The following ABHD16A variants were observed in gnomAD, a reference collection of about 807,000 sequenced individuals.
ABHD16A encodes the protein phosphatidylserine lipase ABHD16A.
In ABHD16A, 47 loss-of-function variants were observed where a neutral mutation model predicts 89.8. The observed-to-expected ratio is 0.52, with a 90% CI of 0.41 to 0.67. The LOEUF (loss-of-function observed/expected upper bound fraction) is 0.67, where lower values mean the gene tolerates loss of function less well. Among genes scored for constraint, ABHD16A ranks in the 30% least tolerant of loss-of-function variants. The pLI, the probability that ABHD16A is intolerant of heterozygous loss-of-function variation, is 0.00. For synonymous variants in ABHD16A, 251 were observed against 280.4 expected, an observed-to-expected ratio of 0.90 and a Z score of 1.05; for missense variants, 580 against 734.6, an observed-to-expected ratio of 0.79 and a Z score of 2.43.
chr6:31,703,316 G>A lies in ABHD16A; in HGVS notation c.-35C>T, dbSNP rs767167218. The A allele has an allele frequency of 3.0e-6, 4 of 1,338,278 alleles. No individual in the cohort carries two copies. The highest frequency in any genetic ancestry group is 3.9e-6 in the Non-Finnish European group (4 of 1,033,438). 82.9% of individuals were successfully genotyped at this position (1,338,278 alleles called of 1,614,324 possible). A position where few individuals can be genotyped will look rare whatever the true frequency, so the allele number is the denominator to read the frequency against. ...TCGGGCCGCTGCTCTTCCAGCAGCA[G>A]GTCCCCCTGCCGGCCCCGCCCTCCC... is the stretch of plus-strand genomic sequence containing the variant. On this transcript the variant is annotated 5_prime_UTR_variant, in exon 1 of 20. Coordinates refer to ENST00000395952, the MANE Select transcript of ABHD16A (RefSeq NM_021160.3).
At position 31,693,898 on chromosome 6, in the gene ABHD16A, C is replaced by A. The variant is rs1342464988; in HGVS notation, c.430-466G>T. Reference sequence around the variant, plus strand: ...GAGACAGAGAGGAGGGAAGTCACGCCCACAGTGGGCTCCTCTGCCATGTGG... The same window carrying A: ...GAGACAGAGAGGAGGGAAGTCACGCACACAGTGGGCTCCTCTGCCATGTGG... On this transcript the variant is annotated intron_variant, in intron 5 of 19. Transcript: ENST00000395952. The surrounding 1 kb of genome is among the most constrained non-coding windows in gnomAD (Gnocchi z 5.0). 6.6e-6 allele frequency among the ~76,000 whole-genome samples: 1 copy of A among 152,184 alleles called. No individual in the cohort carries two copies. Among genetic ancestry groups the A allele is most frequent in the Non-Finnish European group, 1.5e-5 (1 of 68,034 alleles).
rs1804559360 is a variant in ABHD16A, at chr6:31,698,024, C to T, written c.344-991G>A. On this transcript the variant is annotated intron_variant, in intron 4 of 19. Coordinates refer to ENST00000395952, the MANE Select transcript of ABHD16A (RefSeq NM_021160.3). The surrounding 1 kb of genome is among the most constrained non-coding windows in gnomAD (Gnocchi z 4.1). ...TGTCATCAATGGTATTCCCCCAAAA[C>T]GATATGATGAGAGAATGATGTGTGC... 6.6e-6 allele frequency among the ~76,000 whole-genome samples: 1 copy of T among 152,100 alleles called. No individual in the cohort carries two copies. Among genetic ancestry groups the T allele is most frequent in the Non-Finnish European group, 1.5e-5 (1 of 68,038 alleles).
intron 1 of ABHD16A, chr6:31,702,934 T>A: frequency 7.8e-7 from 1 of 1,287,248 alleles, no homozygotes; most frequent in East Asian, 3.1e-5. Flanking sequence ...AGAGTGGCAG[T>A]CGGAATGAGA....
At chr6:31,689,429 A>G in intron 12 of ABHD16A, 152 bp downstream of exon 12, 2 of 1,233,510 alleles carry the variant, frequency 1.6e-6, no homozygotes, top group Non-Finnish European at 2.2e-6. Flanking sequence ...AGTGTATGCA[A>G]ATAGGATAGC....
Position 31,693,092 on chromosome 6 carries a change from G to C in ABHD16A, c.561C>G (p.Pro187=). The change falls in exon 7 of 20, where the codon CCC becomes CCG. Residue 187 remains proline, a synonymous_variant. Transcript: ENST00000395952. This position sits in a 1 kb window ranked among gnomAD's most constrained non-coding sequence, Gnocchi z 5.0. ...GGGTGTCTGCTGTCCCCCGGTGCAGGGGCTCTGGGCGAAGCAGGGCCACAC... is the reference window on the plus strand; with the variant it reads ...GGGTGTCTGCTGTCCCCCGGTGCAGCGGCTCTGGGCGAAGCAGGGCCACAC... ...RRGVALLRPE[P]LHRGTADTLL... 6.2e-7 allele frequency: 1 copy of C among 1,614,168 alleles called. No individual in the cohort carries two copies. The highest frequency in any genetic ancestry group is 8.5e-7 in the Non-Finnish European group (1 of 1,180,028).
chr6:31,687,933 G>A lies in ABHD16A; in HGVS notation c.1371-33C>T. The stretch of plus-strand genomic sequence containing the variant: ...GGAAGTGCCAGGACAGGTCAGGGCT[G>A]ATTTTTTTTCATTCACCATCCCTGA... On this transcript the variant is annotated intron_variant, in intron 16 of 19. Transcript: ENST00000395952. The surrounding 1 kb of genome is among the most constrained non-coding windows in gnomAD (Gnocchi z 6.3). The A allele has an allele frequency of 6.2e-7, 1 of 1,612,568 alleles. No individual in the cohort carries two copies. The highest frequency in any genetic ancestry group is 8.5e-7 in the Non-Finnish European group (1 of 1,179,940).
chr6:31,701,015 C>A lies in ABHD16A; in HGVS notation c.270G>T (p.Leu90Phe). ...FYLYRKGYLS[L>F]SKVVPFSHYA... ...AGTGAGAAAACGGCACCACTTTGGACAAACTCAAGTAACCTGGGAAGGGAG... is the reference window on the plus strand; with the variant it reads ...AGTGAGAAAACGGCACCACTTTGGAAAAACTCAAGTAACCTGGGAAGGGAG... Residue 90 changes from leucine (L) to phenylalanine (F), a missense_variant, in exon 4 of 20, where the codon TTG becomes TTT. Physicochemically the swap from Leu to Phe is conservative, Grantham distance 22 (BLOSUM62 0). Around this residue, in one of 2 missense-constraint regions of ABHD16A, gnomAD observed 165 missense variants for 165.8 expected, o/e 1.00. Coordinates refer to ENST00000395952, the MANE Select transcript of ABHD16A (RefSeq NM_021160.3). 1.2e-6 allele frequency: 2 copies of A among 1,613,684 alleles called. No individual in the cohort carries two copies. The highest frequency in any genetic ancestry group is 1.7e-6 in the Non-Finnish European group (2 of 1,179,752).
chr6:31,688,212 C>T lies in ABHD16A; in HGVS notation c.1307+37G>A. 6 of 1,612,134 alleles carry T rather than the reference C, an allele frequency of 3.7e-6. No individual in the cohort carries two copies. Among genetic ancestry groups the T allele is most frequent in the Non-Finnish European group, 5.1e-6 (6 of 1,178,412 alleles). On this transcript the variant is annotated intron_variant, in intron 15 of 19. Transcript: ENST00000395952. This position sits in a 1 kb window ranked among gnomAD's most constrained non-coding sequence, Gnocchi z 4.9. Reference sequence around the variant, plus strand: ...AGAAGGGACAAGTTCCTGGCCATCTCTGGGGTTCCTGAGGGCCGAGATTCC... The same window carrying T: ...AGAAGGGACAAGTTCCTGGCCATCTTTGGGGTTCCTGAGGGCCGAGATTCC...
At chr6:31,692,429 A>C in intron 7 of ABHD16A, 1 of 159,070 alleles carries the variant, frequency 6.3e-6, no homozygotes, top group Non-Finnish European at 1.4e-5. Context: ...CCAGCAAAAG[A>C]AAATTCCCAG....
chr6:31,702,000 G>T lies in ABHD16A; in HGVS notation c.189+74C>A, dbSNP rs529110096. 5.1e-6 allele frequency: 8 copies of T among 1,566,552 alleles called. No individual in the cohort carries two copies. In the Admixed American group the frequency reaches 1.2e-4, roughly 23 times the overall value. ...AACCCCAGGGCACTGTTGCTCCCAA[G>T]TTAGGGAGGGCTAAGTTCAAGAGGA... On this transcript the variant is annotated intron_variant, in intron 2 of 19. Transcript: ENST00000395952.
chr6:31,697,181 T>G (rs1048591011), intron 4 of ABHD16A, 148 bp from the exon 5 acceptor site: 3 of 700,590 alleles, frequency 4.3e-6, no homozygotes, highest in East Asian at 2.7e-5. Flanking sequence ...TGCGGAGAAA[T>G]AGATGTGAGC....
intron 8 of ABHD16A, 33 bp downstream of exon 8, chr6:31,691,771 G>A: frequency 6.3e-7 from 1 of 1,586,744 alleles, no homozygotes; most frequent in Admixed American, 1.7e-5. Flanking sequence ...AGAGGGGAGG[G>A]CTTTAGGGGA....
At chr6:31,702,032 G>A in intron 2 of ABHD16A, 42 bp downstream of exon 2, 2 of 1,610,004 alleles carry the variant, frequency 1.2e-6, no homozygotes, top group East Asian at 2.2e-5. Context: ...AGGACAGGTG[G>A]GTCTGAAAGA....
Position 31,687,414 on chromosome 6 carries a change from C to T in ABHD16A, c.1593+84G>A. On this transcript the variant is annotated intron_variant, in intron 19 of 19. Transcript: ENST00000395952. This position sits in a 1 kb window ranked among gnomAD's most constrained non-coding sequence, Gnocchi z 6.3. ...ACCCACTCTACAAAAGCTGCCACTT[C>T]CAATGCTTATAGGGTATCCCCAGTC... The T allele has an allele frequency of 6.2e-7, 1 of 1,609,282 alleles. No individual in the cohort carries two copies. Among genetic ancestry groups the T allele is most frequent in the Non-Finnish European group, 8.5e-7 (1 of 1,176,684 alleles).
Position 31,689,069 on chromosome 6 carries a change from C to T in ABHD16A, c.1132G>A (p.Ala378Thr). The part of the protein sequence containing the change: ...YPDVSAMILD[A>T]SFDDLVPLAL... ...AAGGGCACCAGGTCATCAAAGGAGG[C>T]ATCCAGGATCATGGCACTAACATCT... The change falls in exon 13 of 20, where the codon GCC (alanine) becomes ACC (threonine). Residue 378 changes from alanine to threonine, a missense_variant. Ala to Thr is a moderately conservative substitution (Grantham distance 58). Coordinates refer to ENST00000395952, the MANE Select transcript of ABHD16A (RefSeq NM_021160.3). 1 of 1,614,050 alleles carries T rather than the reference C, an allele frequency of 6.2e-7. No homozygotes were observed. The highest frequency in any genetic ancestry group is 8.5e-7 in the Non-Finnish European group (1 of 1,179,984).
chr6:31,702,219 T>A lies in ABHD16A; in HGVS notation c.133-89A>T, dbSNP rs1228997932. ...AGAAGCCCTGCTGTGTGTCCTCTGG[T>A]TCTAGTCTCGTTGACTATCTCTCTT... On this transcript the variant is annotated intron_variant, in intron 1 of 19. Transcript: ENST00000395952. 3 of 1,295,372 alleles carry A rather than the reference T, an allele frequency of 2.3e-6. No individual in the cohort carries two copies. The African/African-American group carries it at 4.4e-5, about 19-fold the overall frequency. The allele number at this position is 1,295,372 out of a possible 1,614,324, so 80.2% of individuals were successfully genotyped here.
At chr6:31,696,761 ATTCCTCAGGTGGACAG>A (rs1424879671) in intron 5 of ABHD16A, among the ~76,000 whole-genome samples, 171 bp downstream of exon 5, 2 of 152,182 alleles carry the variant, frequency 1.3e-5, no homozygotes, top group Non-Finnish European at 2.9e-5. Context: ...GGGAGGAAAA[ATTCCTCAGGTGGACAG>A]TTCACTAATG....
Position 31,691,923 on chromosome 6 carries a change from G to T in ABHD16A, c.627-5C>A. The T allele has an allele frequency of 6.3e-7, 1 of 1,596,980 alleles. No individual in the cohort carries two copies. The highest frequency in any genetic ancestry group is 2.2e-5 in the East Asian group (1 of 44,670). ...AGGGTGTGCGCCACCAGGTAGCTGT[G>T]GGGAACACAGGTTAACAAACCCCAA... On this transcript the variant is annotated splice_polypyrimidine_tract_variant and splice_region_variant and intron_variant, in intron 7 of 19. Coordinates refer to ENST00000395952, the MANE Select transcript of ABHD16A (RefSeq NM_021160.3).
Position 31,690,630 on chromosome 6 carries a change from G to C in ABHD16A, c.844-28C>G, listed in dbSNP as rs574673478. 7 of 1,610,820 alleles carry C rather than the reference G, an allele frequency of 4.3e-6. No individual in the cohort carries two copies. The African/African-American group carries it at 6.7e-5, about 15-fold the overall frequency. Reference sequence around the variant, plus strand: ...AGGAAGGAGGCAGGAAGGAAGGGCTGGGGGGCCAAGTTGGGACTGAAAAAC... The same window carrying C: ...AGGAAGGAGGCAGGAAGGAAGGGCTCGGGGGCCAAGTTGGGACTGAAAAAC... On this transcript the variant is annotated intron_variant, in intron 9 of 19. Transcript: ENST00000395952. This position sits in a 1 kb window ranked among gnomAD's most constrained non-coding sequence, Gnocchi z 4.1.
Sources: allele counts gnomAD v4.1 joint callset (sites outside exome capture counted in the v4.1 genomes callset), GRCh38; gene constraint gnomAD v4.1.1; regional missense constraint gnomAD v4.1.1; non-coding constraint Gnocchi (gnomAD v3.1); transcripts MANE v1.5; gene names NCBI Gene and HGNC (gene_info 2026-07-23, HGNC 2026-07-21).